The following PYURF variants were observed in gnomAD, a reference collection of about 807,000 sequenced individuals.
The protein encoded by PYURF is PIGY upstream open reading frame, also known as protein preY, mitochondrial.
Under a neutral mutation model 8.0 loss-of-function variants are expected in PYURF, and 9 were observed. That is an observed-to-expected ratio of 1.13 (90% confidence interval 0.68 to 1.97). The LOEUF (loss-of-function observed/expected upper bound fraction) is 1.97, where lower values mean the gene tolerates loss of function less well. Ranked by LOEUF, PYURF falls within the 30% of genes most tolerant of loss-of-function variation. The probability of loss-of-function intolerance (pLI) is 0.00; values close to 1 mark genes in which losing one functional copy is unlikely to be tolerated. For missense variants in PYURF, 130 were observed against 158.0 expected, an observed-to-expected ratio of 0.82 and a Z score of 0.95; for synonymous variants, 56 against 68.3, an observed-to-expected ratio of 0.82 and a Z score of 0.89.
At chr4:88,523,422 G>GC in intron 1 of PYURF, 76 bp downstream of exon 1, 1 of 1,471,658 alleles carries the variant, frequency 6.8e-7, no homozygotes, top group African/African-American at 1.4e-5. Flanking sequence ...CCCAGTGGCT[G>GC]CAAGAGGCCG....
chr4:88,522,598 G>A (rs972562221), intron 1 of PYURF, among the ~76,000 whole-genome samples: 9 of 152,074 alleles, frequency 5.9e-5, no homozygotes, highest in African/African-American at 2.2e-4. Flanking sequence ...TGTTTATTAC[G>A]GGAAAAAGAA....
intron 1 of PYURF, among the ~76,000 whole-genome samples, 173 bp downstream of exon 1, chr4:88,523,325 C>G (rs1179035807): frequency 6.6e-6 from 1 of 152,206 alleles, no homozygotes; most frequent in Non-Finnish European, 1.5e-5. Flanking sequence ...CCCTGGCCTC[C>G]GGTCTCCCCC....
intron 1 of PYURF, among the ~76,000 whole-genome samples, 162 bp downstream of exon 1, chr4:88,523,336 G>A (rs1264956758): frequency 6.6e-6 from 1 of 152,168 alleles, no homozygotes; most frequent in East Asian, 1.9e-4. Flanking sequence ...GGTCTCCCCC[G>A]TCCTGCCCGC....
Position 88,523,590 on chromosome 4 carries a change from G to A in PYURF, c.111C>T (p.Ala37=), listed in dbSNP as rs1335846651. Residue 37 remains alanine, a synonymous_variant, in exon 1 of 2, where the codon GCC becomes GCT. Transcript: ENST00000273968. Reference sequence around the variant, plus strand: ...GCTCCTCAGTCTTCTTGCCCCGGTCGGCCAAAGGCCGCGACCCCGACGCGT... The same window carrying A: ...GCTCCTCAGTCTTCTTGCCCCGGTCAGCCAAAGGCCGCGACCCCGACGCGT... ...CLHASGSRPL[A]DRGKKTEEPP... The A allele has an allele frequency of 5.8e-6, 9 of 1,549,444 alleles. No homozygotes were observed. The highest frequency in any genetic ancestry group is 4.1e-5 in the African/African-American group (3 of 73,024).
At position 88,523,722 on chromosome 4, in the gene PYURF, G is replaced by A. The variant is rs1316181843; in HGVS notation, c.-22C>T. On this transcript the variant is annotated 5_prime_UTR_variant, in exon 1 of 2. Coordinates refer to ENST00000273968, the MANE Select transcript of PYURF (RefSeq NM_032906.5). ...GCATGGTCTGGCAGCCGGAGACCAG[G>A]CCTCACCGCAGCCTCGCCACCCGTG... The A allele has an allele frequency of 7.0e-6, 10 of 1,427,580 alleles. No homozygotes were observed. Among genetic ancestry groups the A allele is most frequent in the Non-Finnish European group, 9.1e-6 (10 of 1,098,534 alleles). The allele number at this position is 1,427,580 out of a possible 1,614,324, so 88.4% of individuals were successfully genotyped here. A position where few individuals can be genotyped will look rare whatever the true frequency, so the allele number is the denominator to read the frequency against.
chr4:88,521,779 G>A lies in PYURF; in HGVS notation c.*109C>T, dbSNP rs1239169122. The A allele has an allele frequency of 1.8e-5, 29 of 1,611,452 alleles. No individual in the cohort carries two copies. Among genetic ancestry groups the A allele is most frequent in the Non-Finnish European group, 2.1e-5 (25 of 1,178,452 alleles). On this transcript the variant is annotated 3_prime_UTR_variant, in exon 2 of 2. Coordinates refer to ENST00000273968, the MANE Select transcript of PYURF (RefSeq NM_032906.5). ...AATAAGAACAGTCAACGTAGGAAGA[G>A]ACAGAAACATTCTTCTCTTCCACTT...
At chr4:88,522,285 A>C (rs1440865605) in intron 1 of PYURF, among the ~76,000 whole-genome samples, 1 of 152,042 alleles carries the variant, frequency 6.6e-6, no homozygotes, top group African/African-American at 2.4e-5. Context: ...GTTATTCCTT[A>C]ATTTTTTTTC....
intron 1 of PYURF, 102 bp downstream of exon 1, chr4:88,523,396 G>C: frequency 8.1e-7 from 1 of 1,231,102 alleles, no homozygotes; most frequent in Non-Finnish European, 1.2e-6. Flanking sequence ...GAGAGTACCT[G>C]ACCGACCTAC....
At position 88,521,773 on chromosome 4, in the gene PYURF, G is replaced by C. The variant is rs143548787; in HGVS notation, c.*115C>G. The C allele has an allele frequency of 4.7e-3, 7,513 of 1,612,114 alleles. 23 individuals carry two copies. Among genetic ancestry groups the C allele is most frequent in the Non-Finnish European group, 5.9e-3 (6,954 of 1,178,904 alleles). On this transcript the variant is annotated 3_prime_UTR_variant, in exon 2 of 2. Coordinates refer to ENST00000273968, the MANE Select transcript of PYURF (RefSeq NM_032906.5). ...CAGTGGAATAAGAACAGTCAACGTAGGAAGAGACAGAAACATTCTTCTCTT... is the reference window on the plus strand; with the variant it reads ...CAGTGGAATAAGAACAGTCAACGTACGAAGAGACAGAAACATTCTTCTCTT...
Position 88,521,608 on chromosome 4 carries a change from G to A in PYURF, c.*280C>T, listed in dbSNP as rs778222227. 2 of 1,613,690 alleles carry A rather than the reference G, an allele frequency of 1.2e-6. No homozygotes were observed. The highest frequency in any genetic ancestry group is 2.2e-5 in the South Asian group (2 of 91,076). On this transcript the variant is annotated 3_prime_UTR_variant, in exon 2 of 2. Coordinates refer to ENST00000273968, the MANE Select transcript of PYURF (RefSeq NM_032906.5). ...CCTGAAGAGTTTAATACCCATCCAA[G>A]TCCAAAGGTGGAAGAATACATACAC...
Position 88,521,275 on chromosome 4 carries a change from T to C in PYURF, c.*613A>G, listed in dbSNP as rs1742363095. 3.1e-6 allele frequency: 1 copy of C among 323,120 alleles called. No homozygotes were observed. Among genetic ancestry groups the C allele is most frequent in the Admixed American group, 4.6e-5 (1 of 21,740 alleles). 20.0% of individuals were successfully genotyped at this position (323,120 alleles called of 1,614,324 possible). A position where few individuals can be genotyped will look rare whatever the true frequency, so the allele number is the denominator to read the frequency against. ...AGCAAAACAAAATTTCAATGACTCT[T>C]AGATGAATGGAATAAGAAATAGTCA... On this transcript the variant is annotated 3_prime_UTR_variant, in exon 2 of 2. Coordinates refer to ENST00000273968, the MANE Select transcript of PYURF (RefSeq NM_032906.5).
chr4:88,521,706 T>G lies in PYURF; in HGVS notation c.*182A>C. 1.9e-6 allele frequency: 3 copies of G among 1,613,944 alleles called. No individual in the cohort carries two copies. In the South Asian group the frequency reaches 3.3e-5, roughly 18 times the overall value. On this transcript the variant is annotated 3_prime_UTR_variant, in exon 2 of 2. Coordinates refer to ENST00000273968, the MANE Select transcript of PYURF (RefSeq NM_032906.5). ...TGCTAGTGCAGCCCTGTGGGAAGTT[T>G]TCTTCCACAGAGGCTGAGTAGAACA...
chr4:88,521,686 G>C lies in PYURF; in HGVS notation c.*202C>G, dbSNP rs367903057. 3 of 1,613,934 alleles carry C rather than the reference G, an allele frequency of 1.9e-6. No individual in the cohort carries two copies. The highest frequency in any genetic ancestry group is 1.7e-4 in the Middle Eastern group (1 of 6,060). ...GTAAAAGCAAAGGCTGGCTGTGCTAGTGCAGCCCTGTGGGAAGTTTTCTTC... is the reference window on the plus strand; with the variant it reads ...GTAAAAGCAAAGGCTGGCTGTGCTACTGCAGCCCTGTGGGAAGTTTTCTTC... On this transcript the variant is annotated 3_prime_UTR_variant, in exon 2 of 2. Coordinates refer to ENST00000273968, the MANE Select transcript of PYURF (RefSeq NM_032906.5).
Position 88,521,268 on chromosome 4 carries a change from T to C in PYURF, c.*620A>G. 3.7e-6 allele frequency: 1 copy of C among 268,844 alleles called. No homozygotes were observed. The highest frequency in any genetic ancestry group is 7.1e-6 in the Non-Finnish European group (1 of 140,954). 16.7% of individuals were successfully genotyped at this position (268,844 alleles called of 1,614,324 possible). A position where few individuals can be genotyped will look rare whatever the true frequency, so the allele number is the denominator to read the frequency against. On this transcript the variant is annotated 3_prime_UTR_variant, in exon 2 of 2. Coordinates refer to ENST00000273968, the MANE Select transcript of PYURF (RefSeq NM_032906.5). ...ACAAACAAGCAAAACAAAATTTCAA[T>C]GACTCTTAGATGAATGGAATAAGAA...
Position 88,523,547 on chromosome 4 carries a change from G to C in PYURF, c.154C>G (p.Pro52Ala), listed in dbSNP as rs1295892874. 6.4e-7 allele frequency: 1 copy of C among 1,551,122 alleles called. No individual in the cohort carries two copies. Among genetic ancestry groups the C allele is most frequent in the Admixed American group, 2.0e-5 (1 of 51,014 alleles). Residue 52 changes from proline to alanine, a missense_variant, in exon 1 of 2, where the codon CCG becomes GCG. Coordinates refer to ENST00000273968, the MANE Select transcript of PYURF (RefSeq NM_032906.5). ...KTEEPPRDFDPALLEFLVCPL... is the reference protein window; with the variant it reads ...KTEEPPRDFDAALLEFLVCPL... ...CACACCAGGAACTCCAGCAGCGCCGGATCGAAGTCGCGGGGCGGCTCCTCA... is the reference window on the plus strand; with the variant it reads ...CACACCAGGAACTCCAGCAGCGCCGCATCGAAGTCGCGGGGCGGCTCCTCA...
At position 88,522,032 on chromosome 4, in the gene PYURF, G is replaced by A; in HGVS notation, c.204-3C>T. ...ATTCGTTTGTTGATGCTTCATATCT[G>A]AGGTGGAAAAAAAAAGAACAAAATG... On this transcript the variant is annotated splice_region_variant and splice_polypyrimidine_tract_variant and intron_variant, in intron 1 of 1. Coordinates refer to ENST00000273968, the MANE Select transcript of PYURF (RefSeq NM_032906.5). 5.2e-6 allele frequency: 8 copies of A among 1,524,300 alleles called. No individual in the cohort carries two copies. Among genetic ancestry groups the A allele is most frequent in the Non-Finnish European group, 7.0e-6 (8 of 1,137,814 alleles). The allele number at this position is 1,524,300 out of a possible 1,614,324, so 94.4% of individuals were successfully genotyped here.
intron 1 of PYURF, 123 bp from the exon 2 acceptor site, chr4:88,522,152 T>C (rs1742393949): frequency 6.1e-6 from 5 of 816,416 alleles, no homozygotes; most frequent in Non-Finnish European, 9.0e-6. Context: ...AGAATAGTCT[T>C]CTTTAATTCT....
chr4:88,523,377 G>A (rs67364668), intron 1 of PYURF, 121 bp downstream of exon 1: 163,875 of 1,020,922 alleles, frequency 0.16, 17,041 homozygotes, highest in African/African-American at 0.43. Flanking sequence ...AGTCCAGAAT[G>A]TGGCAGCGGA....
rs779936177 is a variant in PYURF, at chr4:88,521,869, A to C, written c.*19T>G. Reference sequence around the variant, plus strand: ...GAAAAGTTGGCTGTTGCGTTTTTTTAATTTTTTTAAATTATGAACTAGCGC... The same window carrying C: ...GAAAAGTTGGCTGTTGCGTTTTTTTCATTTTTTTAAATTATGAACTAGCGC... On this transcript the variant is annotated 3_prime_UTR_variant, in exon 2 of 2. Coordinates refer to ENST00000273968, the MANE Select transcript of PYURF (RefSeq NM_032906.5). 1.3e-6 allele frequency: 2 copies of C among 1,540,644 alleles called. No homozygotes were observed. The highest frequency in any genetic ancestry group is 4.9e-5 in the East Asian group (2 of 40,970).
Sources: gnomAD v4.1 joint callset for allele counts (sites outside exome capture counted in the v4.1 genomes callset) on GRCh38, gnomAD v4.1.1 for gene constraint, MANE v1.5 for transcripts, NCBI Gene and HGNC (gene_info 2026-07-23, HGNC 2026-07-21) for gene names.